The following SMYD3 variants were observed in gnomAD, a reference collection of about 807,000 sequenced individuals.
SMYD3 encodes histone-lysine N-methyltransferase SMYD3.
A neutral mutation model predicts 57.7 loss-of-function variants in SMYD3; 36 were observed. The observed-to-expected ratio is 0.62, with a 90% CI of 0.48 to 0.82. The LOEUF is 0.82. SMYD3 is among the 40% of genes least tolerant of loss of function. The probability of loss-of-function intolerance (pLI) is 0.00; values close to 1 mark genes in which losing one functional copy is unlikely to be tolerated. For synonymous variants in SMYD3, 211 were observed against 195.0 expected (o/e 1.08, Z -0.68); for missense variants, 515 against 538.8 (o/e 0.96, Z 0.44).
At chr1:246,046,646 T>C (rs2059970988) in intron 5 of SMYD3, among the ~76,000 whole-genome samples, 1 of 147,202 alleles carries the variant, frequency 6.8e-6, no homozygotes. Context: ...ATATAAAATA[T>C]ATATATTTTA....
intron 2 of SMYD3, among the ~76,000 whole-genome samples, chr1:246,348,862 A>G (rs917902998): frequency 6.6e-6 from 1 of 152,202 alleles, no homozygotes; most frequent in Non-Finnish European, 1.5e-5. Flanking sequence ...ACAGACTAAA[A>G]TAAACAACTT....
chr1:245,816,696 G>A (rs754792372), intron 10 of SMYD3, among the ~76,000 whole-genome samples: 65 of 152,178 alleles, frequency 4.3e-4, no homozygotes, highest in Non-Finnish European at 7.2e-4. Flanking sequence ...TGCGCGCACC[G>A]TGCGCGAGCC....
intron 5 of SMYD3, among the ~76,000 whole-genome samples, chr1:246,215,139 T>A (rs577313073): frequency 1.2e-4 from 19 of 152,256 alleles, no homozygotes; most frequent in Non-Finnish European, 2.2e-4. Flanking sequence ...GGCGGCTAGA[T>A]ATGCCTAAAG....
intron 1 of SMYD3, among the ~76,000 whole-genome samples, chr1:246,472,834 C>T (rs1222192019): frequency 1.3e-5 from 2 of 151,470 alleles, no homozygotes; most frequent in African/African-American, 2.4e-5. Flanking sequence ...GGGAGTCTCC[C>T]GCAGTTACTC....
intron 5 of SMYD3, among the ~76,000 whole-genome samples, chr1:245,993,526 C>T (rs377730289): frequency 3.8e-4 from 58 of 151,384 alleles, no homozygotes; most frequent in African/African-American, 8.3e-4. Context: ...CTTGAGCCCA[C>T]GAGTTCAAGA....
At chr1:246,254,347 C>A (rs933939794) in intron 5 of SMYD3, among the ~76,000 whole-genome samples, 12 of 152,204 alleles carry the variant, frequency 7.9e-5, no homozygotes, top group African/African-American at 2.4e-4. Flanking sequence ...TTCCATTCTT[C>A]TGCCTATGGC....
chr1:245,894,121 G>A (rs1457841951), intron 8 of SMYD3, among the ~76,000 whole-genome samples: 1 of 152,178 alleles, frequency 6.6e-6, no homozygotes, highest in Non-Finnish European at 1.5e-5. Context: ...GTCTTACAAG[G>A]GGATTGTAAA....
chr1:246,017,822 T>C (rs1302449771), intron 5 of SMYD3, among the ~76,000 whole-genome samples: 1 of 152,206 alleles, frequency 6.6e-6, no homozygotes, highest in Non-Finnish European at 1.5e-5. Flanking sequence ...CACAAATTCC[T>C]ATTTTATTCA....
intron 1 of SMYD3, among the ~76,000 whole-genome samples, chr1:246,465,724 C>A (rs2067872511): frequency 6.6e-6 from 1 of 152,084 alleles, no homozygotes; most frequent in Admixed American, 6.6e-5. Context: ...AAATAAAAAA[C>A]AGATGCTGGT....
intron 11 of SMYD3, among the ~76,000 whole-genome samples, chr1:245,753,577 C>T (rs552811316): frequency 3.8e-5 from 5 of 132,668 alleles, no homozygotes; most frequent in African/African-American, 1.1e-4. Flanking sequence ...CAACAATGTA[C>T]GGAGAGGGCC....
At chr1:246,410,661 G>A (rs1209321175) in intron 1 of SMYD3, among the ~76,000 whole-genome samples, 1 of 152,142 alleles carries the variant, frequency 6.6e-6, no homozygotes, top group Admixed American at 6.5e-5. Context: ...CCAGGCTTTG[G>A]TATCACGATG....
At chr1:246,016,050 A>G (rs1021404954) in intron 5 of SMYD3, among the ~76,000 whole-genome samples, 8 of 152,162 alleles carry the variant, frequency 5.3e-5, no homozygotes, top group African/African-American at 1.9e-4. Flanking sequence ...TGAGCTGGTC[A>G]TGGCTAGGCT....
intron 1 of SMYD3, among the ~76,000 whole-genome samples, chr1:246,445,842 G>C (rs2067544517): frequency 6.9e-6 from 1 of 144,732 alleles, no homozygotes; most frequent in South Asian, 2.1e-4. Context: ...CCTTTGAGTG[G>C]ACATCCAAAA....
At chr1:246,452,943 T>C (rs1203741182) in intron 1 of SMYD3, among the ~76,000 whole-genome samples, 2 of 152,294 alleles carry the variant, frequency 1.3e-5, no homozygotes, top group South Asian at 2.1e-4. Flanking sequence ...ATTGGGCTTC[T>C]AGATTAATAT....
chr1:246,277,606 C>T (rs1487520212), intron 5 of SMYD3, among the ~76,000 whole-genome samples: 3 of 152,126 alleles, frequency 2.0e-5, no homozygotes, highest in African/African-American at 4.8e-5. Context: ...ATTCACAATA[C>T]CTAATCAGGG....
At chr1:245,884,776 G>A (rs1024279720) in intron 8 of SMYD3, among the ~76,000 whole-genome samples, 2 of 18,658 alleles carry the variant, frequency 1.1e-4, no homozygotes, top group Non-Finnish European at 2.7e-4. Context: ...TCTGTGTCTA[G>A]CTAAAGGATT....
At chr1:246,496,665 A>C (rs2068369600) in intron 1 of SMYD3, among the ~76,000 whole-genome samples, 1 of 151,926 alleles carries the variant, frequency 6.6e-6, no homozygotes, top group Non-Finnish European at 1.5e-5. Flanking sequence ...CCATCTCTAC[A>C]AAAAATATAA....
chr1:245,838,010 A>C (rs1195622315), intron 10 of SMYD3, among the ~76,000 whole-genome samples: 1 of 152,256 alleles, frequency 6.6e-6, no homozygotes, highest in African/African-American at 2.4e-5. Context: ...ATTAGTTGGC[A>C]GTTGAAAATA....
chr1:246,078,414 T>A (rs141288236), intron 5 of SMYD3, among the ~76,000 whole-genome samples: 3,245 of 152,282 alleles, frequency 0.021, 48 homozygotes, highest in Non-Finnish European at 0.034. Context: ...AAGGAAGGCT[T>A]CTTCTGTTTT....
Sources: allele counts gnomAD v4.1 joint callset (sites outside exome capture counted in the v4.1 genomes callset), GRCh38; gene constraint gnomAD v4.1.1; transcripts MANE v1.5; gene names NCBI Gene and HGNC (gene_info 2026-07-23, HGNC 2026-07-21).